Variants in CKAP2L observed in about 807,000 individuals in gnomAD.
CKAP2L encodes cytoskeleton-associated protein 2-like.
Under a neutral mutation model 65.7 loss-of-function variants are expected in CKAP2L, and 42 were observed. That is an observed-to-expected ratio of 0.64 (90% confidence interval 0.50 to 0.83). The LOEUF (loss-of-function observed/expected upper bound fraction) is 0.83. Among genes scored for constraint, CKAP2L ranks in the 40% least tolerant of loss-of-function variants. The pLI, the probability that CKAP2L is intolerant of heterozygous loss-of-function variation, is 0.00. For missense variants in CKAP2L, 908 were observed against 871.0 expected (o/e 1.04, Z -0.53); for synonymous variants, 325 against 313.5 (o/e 1.04, Z -0.39).
At chr2:112,763,911 G>A (rs1226329382) in intron 1 of CKAP2L, 2 of 152,314 alleles carry the variant, frequency 1.3e-5, no homozygotes, top group Non-Finnish European at 2.9e-5. Flanking sequence ...GTTATGTAAA[G>A]TGCCTAGGAC....
rs1462415372 is a variant in CKAP2L at position 112,764,577 on chromosome 2, C to G, written c.22G>C (p.Ala8Pro). 1 of 1,614,176 alleles carries G rather than the reference C, an allele frequency of 6.2e-7. No individual in the cohort carries two copies. Among genetic ancestry groups the G allele is most frequent in the Non-Finnish European group, 8.5e-7 (1 of 1,180,002 alleles). Residue 8 changes from alanine to proline, a missense_variant, in exon 1 of 9, where the codon GCT (alanine) becomes CCT (proline). Ala to Pro is a conservative substitution (Grantham distance 27). Coordinates refer to ENST00000302450, the MANE Select transcript of CKAP2L (RefSeq NM_152515.5). ...TCGTACTCACCGACAGCGGCAGCAG[C>G]GGTAGGCCCGGGCCCCACCATGACT... MVGPGPT[A>P]AAAVEERQRK... is the part of the protein sequence containing the mutation.
chr2:112,757,601 G>T (rs1680586040), intron 3 of CKAP2L, among the ~76,000 whole-genome samples: 2 of 152,168 alleles, frequency 1.3e-5, no homozygotes, highest in South Asian at 4.1e-4. Flanking sequence ...TATTGGCCAG[G>T]TTGGTCTTGA....
intron 6 of CKAP2L, among the ~76,000 whole-genome samples, chr2:112,743,300 G>A (rs900134692): frequency 6.6e-6 from 1 of 151,246 alleles, no homozygotes. Context: ...CCACCACCAC[G>A]CCCAGCTAAT....
In CKAP2L at chr2:112,737,608, G is replaced by A. The variant is rs753185592; in HGVS notation, c.*1215C>T. Reference sequence around the variant, plus strand: ...AATTGAGTTGTAAGAGTCTCTTATTGAAAGTCTGCTGGTATTACAGGTTTA... The same window carrying A: ...AATTGAGTTGTAAGAGTCTCTTATTAAAAGTCTGCTGGTATTACAGGTTTA... On this transcript the variant is annotated 3_prime_UTR_variant, in exon 9 of 9. Coordinates refer to ENST00000302450, the MANE Select transcript of CKAP2L (RefSeq NM_152515.5). 5.9e-5 allele frequency: 9 copies of A among 151,952 alleles called. No homozygotes were observed. The highest frequency in any genetic ancestry group is 1.2e-4 in the Non-Finnish European group (8 of 68,006). The allele number at this position is 151,952 out of a possible 1,614,324, so 9.4% of individuals were successfully genotyped here.
At chr2:112,743,843 A>G (rs1202721641) in intron 6 of CKAP2L, among the ~76,000 whole-genome samples, 1 of 152,240 alleles carries the variant, frequency 6.6e-6, no homozygotes, top group Non-Finnish European at 1.5e-5. Context: ...ATGGAAAAGT[A>G]ATTTTCTGAT....
At chr2:112,755,827 T>C in intron 4 of CKAP2L, 150 bp downstream of exon 4, 2 of 720,116 alleles carry the variant, frequency 2.8e-6, no homozygotes, top group Non-Finnish European at 4.6e-6. Flanking sequence ...GTCTTAATAT[T>C]TGTTATATTT....
At chr2:112,763,226 C>A (rs1281817618) in intron 1 of CKAP2L, among the ~76,000 whole-genome samples, 2 of 152,166 alleles carry the variant, frequency 1.3e-5, no homozygotes, top group Admixed American at 1.3e-4. Context: ...GCTTTTCTAA[C>A]CCTGGAGCTC....
chr2:112,762,952 T>C (rs555372767), intron 1 of CKAP2L, among the ~76,000 whole-genome samples: 1 of 152,030 alleles, frequency 6.6e-6, no homozygotes, highest in Non-Finnish European at 1.5e-5. Context: ...CTGGATAATT[T>C]TAAAAAAATT....
chr2:112,741,755 A>G (rs1464243455), intron 7 of CKAP2L, among the ~76,000 whole-genome samples: 1 of 151,972 alleles, frequency 6.6e-6, no homozygotes, highest in East Asian at 1.9e-4. Context: ...ATTGTTCCCC[A>G]GTTAAATCTA....
chr2:112,739,451 A>G (rs1050794674), intron 8 of CKAP2L, among the ~76,000 whole-genome samples: 2 of 152,178 alleles, frequency 1.3e-5, no homozygotes, highest in Non-Finnish European at 2.9e-5. Flanking sequence ...GATTTCCAGA[A>G]TGTACTGGGT....
intron 7 of CKAP2L, chr2:112,742,459 G>A (rs888597828): frequency 1.4e-6 from 1 of 717,904 alleles, no homozygotes; most frequent in Non-Finnish European, 2.6e-6. Context: ...AGGATTCCAA[G>A]GAAGTGGGAC....
chr2:112,741,073 A>C lies in CKAP2L; in HGVS notation c.1823-66T>G, dbSNP rs114748571. 2.5e-5 allele frequency: 26 copies of C among 1,042,812 alleles called. No individual in the cohort carries two copies. In the African/African-American group the frequency reaches 3.9e-4, roughly 16 times the overall value. The allele number at this position is 1,042,812 out of a possible 1,614,324, so 64.6% of individuals were successfully genotyped here. A position where few individuals can be genotyped will look rare whatever the true frequency, so the allele number is the denominator to read the frequency against. On this transcript the variant is annotated intron_variant, in intron 7 of 8. Coordinates refer to ENST00000302450, the MANE Select transcript of CKAP2L (RefSeq NM_152515.5). Reference sequence around the variant, plus strand: ...TTTAATACTTCAACTAGAAGTCAATAACATGAAAAATACATACATACAATG... The same window carrying C: ...TTTAATACTTCAACTAGAAGTCAATCACATGAAAAATACATACATACAATG...
chr2:112,761,304 C>CA (rs1335826489), intron 2 of CKAP2L, among the ~76,000 whole-genome samples: 1 of 151,324 alleles, frequency 6.6e-6, no homozygotes, highest in Admixed American at 6.6e-5. Flanking sequence ...ACTAAAAATA[C>CA]AAAAAAATTA....
Position 112,756,072 on chromosome 2 carries a change from G to A in CKAP2L, c.1299C>T (p.Asn433=). The part of the protein sequence containing the change: ...KKAVPQNHFL[N]KTAPKTQADV... ...CAGCTTGAGTTTTGGGAGCTGTCTT[G>A]TTCAGAAAATGGTTCTGGGGAACAG... The change falls in exon 4 of 9, where the codon AAC becomes AAT. Residue 433 remains asparagine (N), a synonymous_variant. Coordinates refer to ENST00000302450, the MANE Select transcript of CKAP2L (RefSeq NM_152515.5). 6.2e-7 allele frequency: 1 copy of A among 1,614,062 alleles called. No individual in the cohort carries two copies. Among genetic ancestry groups the A allele is most frequent in the Admixed American group, 1.7e-5 (1 of 60,008 alleles).
At chr2:112,747,727 G>C (rs772833693) in intron 5 of CKAP2L, among the ~76,000 whole-genome samples, 4 of 152,156 alleles carry the variant, frequency 2.6e-5, no homozygotes, top group African/African-American at 7.2e-5. Flanking sequence ...AGACGCAAAG[G>C]TAAGTTCACA....
At position 112,764,599 on chromosome 2, in the gene CKAP2L, G is replaced by C; in HGVS notation, c.-1C>G. ...CAGCGGTAGGCCCGGGCCCCACCAT[G>C]ACTCTTCAGTGACAGTTTTTCTTCA... is the stretch of plus-strand genomic sequence containing the variant. On this transcript the variant is annotated 5_prime_UTR_variant, in exon 1 of 9. Transcript: ENST00000302450. The C allele has an allele frequency of 6.2e-7, 1 of 1,614,178 alleles. No homozygotes were observed. Among genetic ancestry groups the C allele is most frequent in the South Asian group, 1.1e-5 (1 of 91,074 alleles).
Position 112,764,603 on chromosome 2 carries a change from C to G in CKAP2L, c.-5G>C. The G allele has an allele frequency of 6.2e-7, 1 of 1,614,214 alleles. No individual in the cohort carries two copies. Among genetic ancestry groups the G allele is most frequent in the Non-Finnish European group, 8.5e-7 (1 of 1,180,014 alleles). On this transcript the variant is annotated 5_prime_UTR_variant, in exon 1 of 9. Transcript: ENST00000302450. ...GGTAGGCCCGGGCCCCACCATGACTCTTCAGTGACAGTTTTTCTTCAAACG... is the reference window on the plus strand; with the variant it reads ...GGTAGGCCCGGGCCCCACCATGACTGTTCAGTGACAGTTTTTCTTCAAACG...
chr2:112,746,457 A>G lies in CKAP2L; in HGVS notation c.1721T>C (p.Ile574Thr). 1 of 1,613,148 alleles carries G rather than the reference A, an allele frequency of 6.2e-7. No individual in the cohort carries two copies. The highest frequency in any genetic ancestry group is 8.5e-7 in the Non-Finnish European group (1 of 1,179,286). Reference sequence around the variant, plus strand: ...TTTAATGGCCTCTTCATATAGCCCAATAACATCAAAGGTGCCTTTACTTGC... The same window carrying G: ...TTTAATGGCCTCTTCATATAGCCCAGTAACATCAAAGGTGCCTTTACTTGC... ...LLASKGTFDV[I>T]GLYEEAIKNG... The change falls in exon 6 of 9, where the codon ATT (isoleucine) becomes ACT (threonine). Residue 574 changes from isoleucine (I) to threonine (T), a missense_variant. Ile to Thr is a moderately conservative substitution (Grantham distance 89). Coordinates refer to ENST00000302450, the MANE Select transcript of CKAP2L (RefSeq NM_152515.5).
intron 3 of CKAP2L, 138 bp from the exon 4 acceptor site, chr2:112,757,352 G>C: frequency 6.7e-6 from 3 of 446,124 alleles, no homozygotes; most frequent in Non-Finnish European, 1.1e-5. Context: ...TCCTCAGAAA[G>C]TAAAGAAAGA....
Sources: gnomAD v4.1 joint callset for allele counts (sites outside exome capture counted in the v4.1 genomes callset) on GRCh38, gnomAD v4.1.1 for gene constraint, MANE v1.5 for transcripts, NCBI Gene and HGNC (gene_info 2026-07-23, HGNC 2026-07-21) for gene names.